The following SNTG1 variants were observed in gnomAD, a reference collection of about 807,000 sequenced individuals.
The protein encoded by SNTG1 is gamma-1-syntrophin.
A neutral mutation model predicts 74.7 loss-of-function variants in SNTG1; 39 were observed. That is an observed-to-expected ratio of 0.52 (90% CI 0.40 to 0.68). SNTG1 has a LOEUF of 0.68. SNTG1 is among the 30% of genes least tolerant of loss of function. SNTG1 has a pLI of 0.00. For synonymous variants in SNTG1, 254 were observed against 217.1 expected, an observed-to-expected ratio of 1.17 and a Z score of -1.49; for missense variants, 685 against 609.5, an observed-to-expected ratio of 1.12 and a Z score of -1.30.
chr8:50,219,174 G>T (rs1490334269), intron 2 of SNTG1, among the ~76,000 whole-genome samples: 2 of 152,256 alleles, frequency 1.3e-5, no homozygotes, highest in Middle Eastern at 3.4e-3. Context: ...ATGACAGGCT[G>T]GTTACAAGGC....
intron 15 of SNTG1, among the ~76,000 whole-genome samples, chr8:50,684,062 TTAG>T (rs2095341997): frequency 1.3e-5 from 2 of 152,226 alleles, no homozygotes; most frequent in Non-Finnish European, 2.9e-5. Flanking sequence ...AATTTCATTC[TTAG>T]TAGACATTTA....
chr8:50,251,368 A>C (rs1325838958), intron 2 of SNTG1, among the ~76,000 whole-genome samples: 1 of 152,032 alleles, frequency 6.6e-6, no homozygotes, highest in African/African-American at 2.4e-5. Context: ...TTGCAGGAGT[A>C]ATTATTTGCC....
intron 1 of SNTG1, among the ~76,000 whole-genome samples, chr8:50,020,863 C>T (rs1237868488): frequency 6.6e-6 from 1 of 152,094 alleles, no homozygotes; most frequent in Non-Finnish European, 1.5e-5. Context: ...CCCATGGATT[C>T]TAAGAAATCT....
intron 18 of SNTG1, among the ~76,000 whole-genome samples, chr8:50,787,399 A>T (rs2095678784): frequency 6.6e-6 from 1 of 151,958 alleles, no homozygotes; most frequent in Non-Finnish European, 1.5e-5. Context: ...TGCTAGTGAG[A>T]ATGTAAAATG....
chr8:50,608,327 T>A (rs2094827563), intron 13 of SNTG1, among the ~76,000 whole-genome samples: 1 of 151,734 alleles, frequency 6.6e-6, no homozygotes, highest in Non-Finnish European at 1.5e-5. Flanking sequence ...ATTTAAAAAT[T>A]TTTTTTCTTT....
chr8:50,701,974 C>A (rs2095427636), intron 15 of SNTG1, among the ~76,000 whole-genome samples: 1 of 151,876 alleles, frequency 6.6e-6, no homozygotes. Flanking sequence ...CCTCAGACTC[C>A]CACGTAGCTG....
chr8:50,069,583 A>ATTTTT (rs71235778), intron 1 of SNTG1, among the ~76,000 whole-genome samples: 4 of 67,078 alleles, frequency 6.0e-5, no homozygotes, highest in Non-Finnish European at 9.9e-5. Context: ...ATTGGGAGGA[A>ATTTTT]TTTTTTTTTT....
chr8:50,060,182 C>T (rs983492968), intron 1 of SNTG1, among the ~76,000 whole-genome samples: 1 of 151,874 alleles, frequency 6.6e-6, no homozygotes, highest in African/African-American at 2.4e-5. Context: ...ATCATTTGAC[C>T]ATTTTAAAAA....
At chr8:50,030,596 C>T (rs1314744044) in intron 1 of SNTG1, among the ~76,000 whole-genome samples, 1 of 151,904 alleles carries the variant, frequency 6.6e-6, no homozygotes, top group Non-Finnish European at 1.5e-5. Flanking sequence ...ATTTATGGAA[C>T]AGACTATCAT....
At chr8:50,075,597 A>C (rs764310673) in intron 1 of SNTG1, among the ~76,000 whole-genome samples, 88 of 152,328 alleles carry the variant, frequency 5.8e-4, no homozygotes, top group African/African-American at 1.4e-3. Context: ...AGGCTGCCAG[A>C]GCCAGCAGTG....
chr8:50,325,942 G>C (rs1189279920), intron 2 of SNTG1, among the ~76,000 whole-genome samples: 2 of 151,482 alleles, frequency 1.3e-5, no homozygotes, highest in Non-Finnish European at 2.9e-5. Context: ...TTCATGAACA[G>C]ATGTTAAATT....
At chr8:50,527,551 A>G (rs1338538247) in intron 9 of SNTG1, among the ~76,000 whole-genome samples, 2 of 152,004 alleles carry the variant, frequency 1.3e-5, no homozygotes, top group East Asian at 3.8e-4. Context: ...TTGATCATAC[A>G]TGTTTGGATT....
intron 18 of SNTG1, among the ~76,000 whole-genome samples, chr8:50,786,426 T>A (rs1453187791): frequency 6.6e-6 from 1 of 151,988 alleles, no homozygotes; most frequent in Admixed American, 6.6e-5. Flanking sequence ...ACTTTTAATA[T>A]GACAATACTC....
intron 11 of SNTG1, among the ~76,000 whole-genome samples, chr8:50,548,072 G>A (rs2094400494): frequency 1.3e-5 from 2 of 152,146 alleles, no homozygotes; most frequent in Admixed American, 1.3e-4. Context: ...AAGGACCTTG[G>A]GGTCCCAGAG....
rs530478495 is a variant in SNTG1 at position 50,082,450 on chromosome 8, G to A, written c.-102-90111G>A. On this transcript the variant is annotated intron_variant, in intron 1 of 18. Transcript: ENST00000642720. The stretch of plus-strand genomic sequence containing the variant: ...TATATAACTTGCCTGGACAAAGTTT[G>A]TGAAGTCTTTCTTCCTGAAATATGT... Among the ~76,000 whole-genome samples the A allele has an allele frequency of 1.7e-4, 26 of 152,266 alleles. No homozygotes were observed. The South Asian group carries it at 4.8e-3, about 28-fold the overall frequency.
Position 50,336,230 on chromosome 8 carries a change from A to G in SNTG1, c.-27-57982A>G, listed in dbSNP as rs192320960. Among the ~76,000 whole-genome samples the G allele has an allele frequency of 1.8e-3, 272 of 152,316 alleles. 1 individual carries two copies. Among genetic ancestry groups the G allele is most frequent in the African/African-American group, 6.1e-3 (254 of 41,562 alleles). ...ATAAAAAAGAATTTGGAGACCATAG[A>G]GCATTCTCTTCATCCTGTAGACTCT... On this transcript the variant is annotated intron_variant, in intron 2 of 18. Transcript: ENST00000642720.
chr8:50,007,942 G>A (rs1231746024), intron 1 of SNTG1, among the ~76,000 whole-genome samples: 1 of 152,054 alleles, frequency 6.6e-6, no homozygotes, highest in African/African-American at 2.4e-5. Flanking sequence ...GAGAGAGATA[G>A]CAAAGGGGGA....
At chr8:50,089,765 TG>T (rs979491328) in intron 1 of SNTG1, among the ~76,000 whole-genome samples, 70 of 152,168 alleles carry the variant, frequency 4.6e-4, no homozygotes, top group African/African-American at 1.2e-3. Flanking sequence ...CAACAGGTGC[TG>T]GAGAGGATGT....
intron 4 of SNTG1, among the ~76,000 whole-genome samples, chr8:50,412,224 T>A (rs1041898683): frequency 2.0e-5 from 3 of 152,174 alleles, no homozygotes; most frequent in African/African-American, 7.2e-5. Context: ...TATTTTACCT[T>A]TAAAATAATT....
Sources: gnomAD v4.1 joint callset for allele counts (sites outside exome capture counted in the v4.1 genomes callset) on GRCh38, gnomAD v4.1.1 for gene constraint, MANE v1.5 for transcripts, NCBI Gene and HGNC (gene_info 2026-07-23, HGNC 2026-07-21) for gene names.